The following CLEC12A variants were observed in gnomAD, a reference collection of about 807,000 sequenced individuals.
CLEC12A encodes C-type lectin domain family 12 member A.
Under a neutral mutation model 26.5 loss-of-function variants are expected in CLEC12A, and 22 were observed. The ratio of observed to expected loss-of-function variants is 0.83; its 90% confidence interval spans 0.59 to 1.19. CLEC12A has a LOEUF of 1.19. Ranked by LOEUF, CLEC12A falls within the 50% of genes most tolerant of loss-of-function variation. CLEC12A has a pLI of 0.00. For synonymous variants in CLEC12A, 119 were observed against 101.9 expected, an observed-to-expected ratio of 1.17 and a Z score of -1.01; for missense variants, 353 against 315.6, an observed-to-expected ratio of 1.12 and a Z score of -0.90.
At chr12:9,963,549 C>A (rs562754955) in intron 1 of CLEC12A, among the ~76,000 whole-genome samples, 23 of 151,978 alleles carry the variant, frequency 1.5e-4, no homozygotes, top group African/African-American at 5.5e-4. Flanking sequence ...GGCAGAAAGT[C>A]TTAAACTGAT....
intron 1 of CLEC12A, among the ~76,000 whole-genome samples, chr12:9,963,304 A>G (rs1863870583): frequency 7.6e-6 from 1 of 130,820 alleles, no homozygotes; most frequent in Non-Finnish European, 1.6e-5. Flanking sequence ...TGATTTAGGT[A>G]GAAACAACAC....
chr12:9,984,716 G>A (rs962515810), intron 5 of CLEC12A, among the ~76,000 whole-genome samples, 154 bp from the exon 6 acceptor site: 4 of 152,032 alleles, frequency 2.6e-5, no homozygotes, highest in South Asian at 4.1e-4. Flanking sequence ...CAATTAACTC[G>A]GACATTCTTG....
At chr12:9,989,042 G>A (rs1298807205), downstream of CLEC12A, among the ~76,000 whole-genome samples, 1 of 152,018 alleles carries the variant, frequency 6.6e-6, no homozygotes, top group African/African-American at 2.4e-5. Flanking sequence ...CATAAAAAAG[G>A]ATGAGTTCAT....
chr12:9,972,075 A>C (rs531225337), intron 1 of CLEC12A, among the ~76,000 whole-genome samples: 2 of 151,760 alleles, frequency 1.3e-5, no homozygotes, highest in Admixed American at 1.3e-4. Context: ...TTTTTTTATA[A>C]GAAAATGCTT....
intron 5 of CLEC12A, 132 bp downstream of exon 5, chr12:9,982,261 C>A: frequency 1.7e-6 from 1 of 593,264 alleles, no homozygotes. Flanking sequence ...TTCTATCATG[C>A]TTCTTTGATG....
chr12:9,997,273 A>G (rs767948976), downstream of CLEC12A: 7 of 1,610,588 alleles, frequency 4.3e-6, no homozygotes, highest in Non-Finnish European at 5.1e-6. Flanking sequence ...ATTGCGCTGC[A>G]TGACAGCTAG....
chr12:9,979,253 A>C, intron 2 of CLEC12A, 83 bp from the exon 3 acceptor site: 1 of 1,166,722 alleles, frequency 8.6e-7, no homozygotes, highest in Non-Finnish European at 1.2e-6. Flanking sequence ...TACCCCTTTA[A>C]TCTTTATACT....
intron 1 of CLEC12A, among the ~76,000 whole-genome samples, chr12:9,961,458 G>A (rs1555139288): frequency 6.6e-6 from 1 of 152,138 alleles, no homozygotes; most frequent in Non-Finnish European, 1.5e-5. Flanking sequence ...CCCAATTTTA[G>A]TTTGTTGGAG....
rs73251744 is a variant in CLEC12A, at chr12:9,961,448, C to T, written c.10+10092C>T. On this transcript the variant is annotated intron_variant, in intron 1 of 6. Coordinates refer to the CLEC12A transcript ENST00000355690. ...ACATTCCTTCCTCACTATATAACCT[C>T]CCAATTTTAGTTTGTTGGAGAACAA... Among the ~76,000 whole-genome samples, 450 of 152,250 alleles carry T rather than the reference C, an allele frequency of 3.0e-3. 2 individuals are homozygous for T. The highest frequency in any genetic ancestry group is 0.01 in the African/African-American group (422 of 41,552).
intron 1 of CLEC12A, among the ~76,000 whole-genome samples, chr12:9,954,124 G>A (rs1366413956): frequency 2.0e-4 from 26 of 131,794 alleles, no homozygotes; most frequent in African/African-American, 6.9e-4. Context: ...TTGTTCACTT[G>A]TTTATCTGCT....
chr12:9,968,642 G>A (rs1472815768), upstream of CLEC12A, among the ~76,000 whole-genome samples: 1 of 152,106 alleles, frequency 6.6e-6, no homozygotes, highest in Non-Finnish European at 1.5e-5. Context: ...CAGGTCATAG[G>A]CATATACACA....
rs116102684 is a variant in CLEC12A, at chr12:9,976,844, G to A, written c.92-2122G>A. On this transcript the variant is annotated intron_variant, in intron 1 of 5. Coordinates refer to ENST00000304361, the MANE Select transcript of CLEC12A (RefSeq NM_138337.6). Reference sequence around the variant, plus strand: ...ATATGGTAGGGGTGTTTCTCGTGCTGTTCCTGTGATAGTGAATAAGTGTCA... The same window carrying A: ...ATATGGTAGGGGTGTTTCTCGTGCTATTCCTGTGATAGTGAATAAGTGTCA... Among the ~76,000 whole-genome samples, 707 of 152,268 alleles carry A rather than the reference G, an allele frequency of 4.6e-3. 4 individuals carry two copies. Among genetic ancestry groups the A allele is most frequent in the African/African-American group, 0.016 (668 of 41,552 alleles).
chr12:9,979,135 T>G, intron 2 of CLEC12A, 71 bp downstream of exon 2: 1 of 1,274,470 alleles, frequency 7.8e-7, no homozygotes, highest in East Asian at 2.3e-5. Context: ...AAAAGTTTAT[T>G]CCTTCAGTGG....
intron 1 of CLEC12A, 129 bp from the exon 2 acceptor site, chr12:9,978,837 G>A (rs1359534963): frequency 1.1e-5 from 7 of 657,162 alleles, no homozygotes; most frequent in East Asian, 7.9e-5. Flanking sequence ...TGAATGGCTA[G>A]CAAATCCATT....
intron 1 of CLEC12A, among the ~76,000 whole-genome samples, chr12:9,964,656 G>A (rs945258747): frequency 6.6e-5 from 10 of 151,884 alleles, no homozygotes; most frequent in Admixed American, 6.6e-4. Context: ...AATAATCTAT[G>A]AGGAGGAGTA....
chr12:9,995,183 C>T lies in CLEC12A; in HGVS notation n.1170C>T, dbSNP rs199796468. ...GAGCCATCCTCCCACTTCCAGACCT[C>T]ATTCGACTTCTGGCGAGATAATCCG... is the stretch of plus-strand genomic sequence containing the variant. On this transcript the variant is annotated non_coding_transcript_exon_variant, in exon 5 of 5. Transcript: ENST00000449959. 1.0e-4 allele frequency: 165 copies of T among 1,613,172 alleles called. No individual in the cohort carries two copies. In the South Asian group the frequency reaches 1.5e-3, roughly 15 times the overall value.
chr12:9,978,892 T>C (rs1864441411), intron 1 of CLEC12A, 74 bp from the exon 2 acceptor site: 2 of 1,029,526 alleles, frequency 1.9e-6, no homozygotes, highest in South Asian at 1.3e-5. Context: ...AATGAATGAA[T>C]GAATGAATGA....
At chr12:9,967,281 G>A (rs1037753657), upstream of CLEC12A, among the ~76,000 whole-genome samples, 7 of 99,348 alleles carry the variant, frequency 7.0e-5, no homozygotes, top group Non-Finnish European at 1.5e-4. Context: ...AGAGACTAGG[G>A]AGGGACCAAT....
downstream of CLEC12A, among the ~76,000 whole-genome samples, chr12:9,986,344 G>GA (rs3053775): frequency 0.39 from 46,007 of 118,572 alleles, 9,015 homozygotes; most frequent in Non-Finnish European, 0.45. Context: ...AGTCTCCACT[G>GA]AAAAAAAAAA....
Sources: allele counts gnomAD v4.1 joint callset (sites outside exome capture counted in the v4.1 genomes callset), GRCh38; gene constraint gnomAD v4.1.1; transcripts MANE v1.5; gene names NCBI Gene and HGNC (gene_info 2026-07-23, HGNC 2026-07-21).